NDST4: variants seen among roughly 807,000 people sequenced by gnomAD.
NDST4 encodes N-heparan sulfate sulfotransferase 4.
NDST4 carries 63 observed loss-of-function variants against 100.8 expected under a neutral mutation model. The ratio of observed to expected loss-of-function variants is 0.62; its 90% CI spans 0.51 to 0.77. The LOEUF is 0.77. Among genes scored for constraint, NDST4 ranks in the 30% least tolerant of loss-of-function variants. The pLI is 0.00. For missense variants in NDST4, 943 were observed against 1,018.4 expected, an observed-to-expected ratio of 0.93 and a Z score of 1.01; for synonymous variants, 377 against 361.8, an observed-to-expected ratio of 1.04 and a Z score of -0.48.
intron 2 of NDST4, among the ~76,000 whole-genome samples, chr4:115,057,275 G>A (rs1316041882): frequency 6.6e-6 from 1 of 151,950 alleles, no homozygotes; most frequent in Non-Finnish European, 1.5e-5. Context: ...AATTTTCCTT[G>A]GTAACAGATT....
intron 2 of NDST4, among the ~76,000 whole-genome samples, chr4:115,056,563 T>G (rs188118350): frequency 5.3e-5 from 8 of 152,258 alleles, no homozygotes; most frequent in Non-Finnish European, 1.5e-5. Flanking sequence ...GCCATTTCAT[T>G]GTCCATAGGA....
intron 6 of NDST4, among the ~76,000 whole-genome samples, chr4:114,913,385 G>T (rs1364737000): frequency 1.3e-5 from 2 of 151,896 alleles, no homozygotes; most frequent in African/African-American, 2.4e-5. Context: ...CTATAGTGGT[G>T]CTTCTCAAAC....
intron 6 of NDST4, among the ~76,000 whole-genome samples, chr4:114,932,286 C>A (rs1415345500): frequency 6.6e-6 from 1 of 151,772 alleles, no homozygotes; most frequent in Non-Finnish European, 1.5e-5. Flanking sequence ...AAGCATGTAA[C>A]AAAATTCAAC....
chr4:114,852,727 G>GTT lies in NDST4; in HGVS notation c.1812_1813dup (p.Thr605LysfsTer42). ...GTAGCACAATTGGCTATTTTTACCT[G>GTT]TTTTTTGTGGACCAATTACTAGAAA... is the stretch of plus-strand genomic sequence containing the variant. On this transcript the variant is annotated frameshift_variant, in exon 8 of 14. Coordinates refer to ENST00000264363, the MANE Select transcript of NDST4 (RefSeq NM_022569.3). LOFTEE classifies it high-confidence loss of function. The GTT allele has an allele frequency of 6.3e-7, 1 of 1,593,404 alleles. No homozygotes were observed. Among genetic ancestry groups the GTT allele is most frequent in the Non-Finnish European group, 8.6e-7 (1 of 1,162,216 alleles).
At chr4:115,038,957 G>A (rs528060894) in intron 2 of NDST4, among the ~76,000 whole-genome samples, 1 of 152,022 alleles carries the variant, frequency 6.6e-6, no homozygotes, top group South Asian at 2.1e-4. Context: ...TCCAGCCTGA[G>A]TGACAGCAAG....
chr4:114,907,486 G>A (rs971385959), intron 6 of NDST4, among the ~76,000 whole-genome samples: 1 of 152,134 alleles, frequency 6.6e-6, no homozygotes, highest in Non-Finnish European at 1.5e-5. Context: ...ACATAGGAAA[G>A]TTCTTAATAA....
Position 114,848,355 on chromosome 4 carries a change from A to C in NDST4, c.1817-17T>G. On this transcript the variant is annotated splice_polypyrimidine_tract_variant and intron_variant, in intron 8 of 13. Transcript: ENST00000264363. ...CAGTTGTTCCTGTTACAAAAAAAGA[A>C]AGTAAAAGGTTATATGGCAATAAGA... 6.4e-7 allele frequency: 1 copy of C among 1,554,598 alleles called. No homozygotes were observed. Among genetic ancestry groups the C allele is most frequent in the Non-Finnish European group, 8.7e-7 (1 of 1,148,370 alleles).
chr4:114,909,008 A>G (rs1578381464), intron 6 of NDST4, among the ~76,000 whole-genome samples: 1 of 152,322 alleles, frequency 6.6e-6, no homozygotes, highest in South Asian at 2.1e-4. Flanking sequence ...AAAACACATG[A>G]AGTAGAACAA....
intron 7 of NDST4, among the ~76,000 whole-genome samples, chr4:114,860,196 T>A (rs1289245700): frequency 2.0e-5 from 3 of 152,218 alleles, no homozygotes; most frequent in Non-Finnish European, 2.9e-5. Context: ...CTTATTTAAT[T>A]CACATAACTG....
At chr4:114,854,821 G>A (rs184999200) in intron 7 of NDST4, among the ~76,000 whole-genome samples, 22 of 152,154 alleles carry the variant, frequency 1.4e-4, no homozygotes, top group Middle Eastern at 3.4e-3. Context: ...GAATCACATG[G>A]TAGTTCTATT....
At chr4:114,930,719 A>T (rs1346327667) in intron 6 of NDST4, among the ~76,000 whole-genome samples, 2 of 152,122 alleles carry the variant, frequency 1.3e-5, no homozygotes, top group Admixed American at 1.3e-4. Context: ...ATACACTGGG[A>T]CATGATGAGG....
chr4:115,011,366 T>C (rs2126260598), intron 2 of NDST4, among the ~76,000 whole-genome samples: 1 of 152,110 alleles, frequency 6.6e-6, no homozygotes, highest in East Asian at 1.9e-4. Context: ...CTTCAGATAC[T>C]CCATTCAAGC....
intron 7 of NDST4, among the ~76,000 whole-genome samples, chr4:114,865,405 T>C (rs1724007050): frequency 6.6e-6 from 1 of 152,060 alleles, no homozygotes; most frequent in African/African-American, 2.4e-5. Context: ...TTGAACATAG[T>C]CCCTTATGTT....
At chr4:115,051,997 C>A (rs570046314) in intron 2 of NDST4, among the ~76,000 whole-genome samples, 51 of 152,172 alleles carry the variant, frequency 3.4e-4, no homozygotes, top group African/African-American at 1.2e-3. Flanking sequence ...GATGATATAT[C>A]ATTGTAATTT....
chr4:114,921,105 T>C (rs1453608794), intron 6 of NDST4, among the ~76,000 whole-genome samples: 2 of 152,158 alleles, frequency 1.3e-5, no homozygotes, highest in African/African-American at 4.8e-5. Context: ...AAAATGTGTC[T>C]ATTAATACAA....
intron 2 of NDST4, among the ~76,000 whole-genome samples, chr4:114,993,765 C>T (rs1357540590): frequency 2.0e-5 from 3 of 151,836 alleles, no homozygotes; most frequent in African/African-American, 7.2e-5. Flanking sequence ...AAATTTAGCT[C>T]CTTAAAGACA....
At position 114,962,448 on chromosome 4, in the gene NDST4, C is replaced by A. The variant is rs184139878; in HGVS notation, c.1221+7982G>T. ...AAAAACTCTAAAAATAATAAATGAG[C>A]TCAGCAAATTTGGAGGTTTGGATGT... On this transcript the variant is annotated intron_variant, in intron 4 of 13. Coordinates refer to ENST00000264363, the MANE Select transcript of NDST4 (RefSeq NM_022569.3). 3.4e-4 allele frequency among the ~76,000 whole-genome samples: 52 copies of A among 152,030 alleles called. 1 individual carries two copies. The highest frequency in any genetic ancestry group is 1.2e-3 in the African/African-American group (49 of 41,522).
intron 2 of NDST4, among the ~76,000 whole-genome samples, chr4:115,057,174 T>C (rs1417452229): frequency 3.3e-5 from 5 of 152,048 alleles, no homozygotes; most frequent in Admixed American, 3.3e-4. Context: ...GGTTAGCAAA[T>C]ATATCAATGG....
intron 2 of NDST4, among the ~76,000 whole-genome samples, chr4:115,029,235 G>A (rs1275265588): frequency 6.6e-6 from 1 of 152,062 alleles, no homozygotes. Context: ...TTTTTAAGAT[G>A]AATAAGCAGT....
Sources: gnomAD v4.1 joint callset for allele counts (sites outside exome capture counted in the v4.1 genomes callset) on GRCh38, gnomAD v4.1.1 for gene constraint, MANE v1.5 for transcripts, NCBI Gene and HGNC (gene_info 2026-07-23, HGNC 2026-07-21) for gene names.